The following GRAMD1C variants were observed in gnomAD, a reference collection of about 807,000 sequenced individuals.
GRAMD1C encodes the protein protein Aster-C.
GRAMD1C carries 89 observed loss-of-function variants against 97.8 expected under a neutral mutation model. That is an observed-to-expected ratio of 0.91 (90% CI 0.77 to 1.09). The LOEUF (loss-of-function observed/expected upper bound fraction) is 1.09, where lower values mean the gene tolerates loss of function less well. Ranked by LOEUF, GRAMD1C falls within the 50% of genes least tolerant of loss-of-function variation. The pLI is 0.00. For missense variants in GRAMD1C, 740 were observed against 766.4 expected (o/e 0.97, Z 0.41); for synonymous variants, 256 against 267.0 (o/e 0.96, Z 0.40).
rs562549542 is a variant in GRAMD1C, at chr3:113,865,306, G to A, written c.175-4201G>A. ...TCAATACCATTACATTGAGGACCAA[G>A]CTGCAACATGAGTGTTGACGGGGAC... is the stretch of plus-strand genomic sequence containing the variant. On this transcript the variant is annotated intron_variant, in intron 2 of 17. Transcript: ENST00000358160. Among the ~76,000 whole-genome samples the A allele has an allele frequency of 4.6e-5, 7 of 152,220 alleles. No homozygotes were observed. In the South Asian group the frequency reaches 8.3e-4, roughly 18 times the overall value.
intron 3 of GRAMD1C, 75 bp downstream of exon 3, chr3:113,869,666 A>G: frequency 1.4e-6 from 1 of 709,556 alleles, no homozygotes; most frequent in Non-Finnish European, 2.5e-6. Context: ...CAGTATATGT[A>G]ATAAAATTTA....
Position 113,876,239 on chromosome 3 carries a change from G to C in GRAMD1C, c.438G>C (p.Gln146His), listed in dbSNP as rs371794909. The change falls in exon 5 of 18, where the codon CAG (glutamine) becomes CAC (histidine). Residue 146 changes from glutamine to histidine, a missense_variant. Gln to His is a conservative substitution (Grantham distance 24). Coordinates refer to ENST00000358160, the MANE Select transcript of GRAMD1C (RefSeq NM_017577.5). ...CTCGACTCATCCCAAACGCTATCCA[G>C]ATAGTTACAGAAAGTGAAAAGGTGA... ...KTARLIPNAI[Q>H]IVTESEKFFF... 1 of 1,583,590 alleles carries C rather than the reference G, an allele frequency of 6.3e-7. No individual in the cohort carries two copies. The highest frequency in any genetic ancestry group is 8.7e-7 in the Non-Finnish European group (1 of 1,153,220).
chr3:113,886,081 G>A (rs1250177722), intron 6 of GRAMD1C: 3 of 1,475,346 alleles, frequency 2.0e-6, no homozygotes, highest in Admixed American at 4.1e-5. Context: ...GGGGGGAAAG[G>A]GATGGCGAGC....
At chr3:113,856,523 T>TATG (rs1934133969) in intron 2 of GRAMD1C, among the ~76,000 whole-genome samples, 1 of 150,806 alleles carries the variant, frequency 6.6e-6, no homozygotes. Flanking sequence ...ATTTATTTCT[T>TATG]TATGTATGTA....
At position 113,875,528 on chromosome 3, in the gene GRAMD1C, C is replaced by A; in HGVS notation, c.304C>A (p.Leu102Ile). ...LQRDILLQGRLYLSENWLCFY... is the reference protein window; with the variant it reads ...LQRDILLQGRIYLSENWLCFY... Reference sequence around the variant, plus strand: ...GAGGGACATTTTGCTTCAGGGACGACTATACCTTTCAGAAAACTGGCTATG... The same window carrying A: ...GAGGGACATTTTGCTTCAGGGACGAATATACCTTTCAGAAAACTGGCTATG... The change falls in exon 4 of 18, where the codon CTA becomes ATA. Residue 102 changes from leucine (L) to isoleucine (I), a missense_variant. Physicochemically the swap from Leu to Ile is conservative, Grantham distance 5 (BLOSUM62 2). Coordinates refer to ENST00000358160, the MANE Select transcript of GRAMD1C (RefSeq NM_017577.5). The A allele has an allele frequency of 1.3e-6, 2 of 1,559,310 alleles. No individual in the cohort carries two copies. The highest frequency in any genetic ancestry group is 1.8e-6 in the Non-Finnish European group (2 of 1,129,330).
intron 6 of GRAMD1C, among the ~76,000 whole-genome samples, chr3:113,883,361 C>CG (rs1935331003): frequency 1.3e-5 from 2 of 151,802 alleles, no homozygotes; most frequent in African/African-American, 4.8e-5. Context: ...CCTGTCTCTA[C>CG]AAAAAATACA....
chr3:113,873,340 ATC>A (rs1934909300), intron 3 of GRAMD1C, among the ~76,000 whole-genome samples: 1 of 152,158 alleles, frequency 6.6e-6, no homozygotes, highest in Non-Finnish European at 1.5e-5. Flanking sequence ...CAGTTAAATA[ATC>A]TAAGTAGTTA....
upstream of GRAMD1C, among the ~76,000 whole-genome samples, chr3:113,834,272 T>G (rs998552667): frequency 1.3e-5 from 2 of 152,126 alleles, no homozygotes; most frequent in Non-Finnish European, 2.9e-5. Flanking sequence ...TTCCGCCTCC[T>G]GGGTTCAAGC....
chr3:113,885,694 G>T (rs1935449286), intron 6 of GRAMD1C: 1 of 1,527,246 alleles, frequency 6.5e-7, no homozygotes, highest in African/African-American at 1.4e-5. Context: ...TTTACAGAAA[G>T]CATGGAGATC....
At chr3:113,836,712 C>T (rs1257148718), upstream of GRAMD1C, among the ~76,000 whole-genome samples, 3 of 151,690 alleles carry the variant, frequency 2.0e-5, no homozygotes, top group East Asian at 1.9e-4. Context: ...GGCCTGATCT[C>T]GGCTCCCTGC....
chr3:113,888,786 A>G (rs1259157622), intron 6 of GRAMD1C, among the ~76,000 whole-genome samples: 1 of 152,244 alleles, frequency 6.6e-6, no homozygotes, highest in Non-Finnish European at 1.5e-5. Context: ...CAGCTCCTCA[A>G]AATGTTTACC....
intron 6 of GRAMD1C, among the ~76,000 whole-genome samples, chr3:113,886,582 C>G (rs897662794): frequency 2.0e-5 from 3 of 151,456 alleles, no homozygotes; most frequent in African/African-American, 7.3e-5. Flanking sequence ...AGCTTTGTGT[C>G]TTTTTTCCTT....
chr3:113,894,345 C>T (rs1459183659), intron 6 of GRAMD1C, among the ~76,000 whole-genome samples: 3 of 151,696 alleles, frequency 2.0e-5, no homozygotes, highest in African/African-American at 7.3e-5. Context: ...ATGGCATGAT[C>T]TCGGCTCACT....
chr3:113,843,939 C>T (rs1038030359), intron 1 of GRAMD1C, among the ~76,000 whole-genome samples: 2 of 152,194 alleles, frequency 1.3e-5, no homozygotes, highest in African/African-American at 4.8e-5. Flanking sequence ...TCCTACTGGG[C>T]ATTGCAAATT....
chr3:113,857,137 C>G (rs1452092106), intron 2 of GRAMD1C, among the ~76,000 whole-genome samples: 1 of 151,548 alleles, frequency 6.6e-6, no homozygotes, highest in Non-Finnish European at 1.5e-5. Context: ...CCATGCTCAG[C>G]CCTATATGTC....
intron 10 of GRAMD1C, chr3:113,920,309 C>CAT: frequency 2.3e-6 from 1 of 434,948 alleles, no homozygotes; most frequent in Non-Finnish European, 4.1e-6. Context: ...AGCAAAACTC[C>CAT]ATATATATTA....
chr3:113,936,283 G>A lies in GRAMD1C; in HGVS notation c.1474G>A (p.Glu492Lys), dbSNP rs1937576448. The A allele has an allele frequency of 3.2e-6, 5 of 1,560,772 alleles. No homozygotes were observed. Among genetic ancestry groups the A allele is most frequent in the African/African-American group, 1.4e-5 (1 of 72,440 alleles). Reference protein sequence around the residue: ...FKQLESDLLIEESVLNQAIED... With the variant: ...FKQLESDLLIKESVLNQAIED... ...TTTCTTAGAATCAGATTTGTTAATT[G>A]AAGAATCTGTATTAAATCAGGCCAT... is the stretch of plus-strand genomic sequence containing the variant. The change falls in exon 14 of 18, where the codon GAA becomes AAA. Residue 492 changes from glutamate (E) to lysine (K), a missense_variant. Glu to Lys is a moderately conservative substitution (Grantham distance 56). Coordinates refer to ENST00000358160, the MANE Select transcript of GRAMD1C (RefSeq NM_017577.5).
At chr3:113,887,311 C>G (rs1435481408) in intron 6 of GRAMD1C, among the ~76,000 whole-genome samples, 2 of 151,732 alleles carry the variant, frequency 1.3e-5, no homozygotes, top group African/African-American at 4.8e-5. Context: ...AGGCTGGCCT[C>G]TAACTTCTGA....
rs761327755 is a variant in GRAMD1C at position 113,936,394 on chromosome 3, C to T, written c.1585C>T (p.Gln529Ter). The change falls in exon 14 of 18, where the codon CAG becomes TAG. Residue 529 changes from glutamine (Q) to a stop codon, truncating the protein, a stop_gained. Coordinates refer to ENST00000358160, the MANE Select transcript of GRAMD1C (RefSeq NM_017577.5). LOFTEE classifies it high-confidence loss of function. Reference protein sequence around the residue: ...TAETVPKLSSQHSSGDVGLGA... With the variant: ...TAETVPKLSS ...AGAAACAGTTCCTAAACTTTCCTCT[C>T]AGCATTCCTCTGGAGATGTGGGCTT... is the stretch of plus-strand genomic sequence containing the variant. 3 of 1,613,534 alleles carry T rather than the reference C, an allele frequency of 1.9e-6. No individual in the cohort carries two copies. The East Asian group carries it at 6.7e-5, about 36-fold the overall frequency.
Sources: allele counts gnomAD v4.1 joint callset (sites outside exome capture counted in the v4.1 genomes callset), GRCh38; gene constraint gnomAD v4.1.1; transcripts MANE v1.5; gene names NCBI Gene and HGNC (gene_info 2026-07-23, HGNC 2026-07-21).